Variants in ETFA observed in about 807,000 individuals in gnomAD.
The protein encoded by ETFA is electron transfer flavoprotein subunit alpha, mitochondrial.
ETFA carries 22 observed loss-of-function variants against 46.2 expected under a neutral mutation model. The ratio of observed to expected loss-of-function variants is 0.48; its 90% CI spans 0.34 to 0.68. The LOEUF (loss-of-function observed/expected upper bound fraction) is 0.68, where lower values mean the gene tolerates loss of function less well. Ranked by LOEUF, ETFA falls within the 30% of genes least tolerant of loss-of-function variation. ETFA has a pLI of 0.01. For synonymous variants in ETFA, 131 were observed against 139.9 expected, an observed-to-expected ratio of 0.94 and a Z score of 0.45; for missense variants, 345 against 401.1, an observed-to-expected ratio of 0.86 and a Z score of 1.19.
intron 8 of ETFA, among the ~76,000 whole-genome samples, chr15:76,277,869 C>T (rs547932884): frequency 2.6e-5 from 4 of 152,328 alleles, no homozygotes; most frequent in Non-Finnish European, 4.4e-5. Flanking sequence ...CCCTACCCCA[C>T]CACCAGCTCC....
At chr15:76,287,617 C>T (rs1297304963) in intron 5 of ETFA, among the ~76,000 whole-genome samples, 3 of 152,046 alleles carry the variant, frequency 2.0e-5, no homozygotes, top group African/African-American at 7.3e-5. Flanking sequence ...GAAAATATCA[C>T]CCTGCAAACT....
At chr15:76,238,121 A>G (rs947351950) in intron 9 of ETFA, among the ~76,000 whole-genome samples, 3 of 152,220 alleles carry the variant, frequency 2.0e-5, no homozygotes, top group Non-Finnish European at 4.4e-5. Context: ...ATAAAATCAT[A>G]AATTCATGTT....
Position 76,294,144 on chromosome 15 carries a change from G to A in ETFA, c.187-1444C>T, listed in dbSNP as rs1045113017. On this transcript the variant is annotated intron_variant, in intron 2 of 11. Transcript: ENST00000557943. The stretch of plus-strand genomic sequence containing the variant: ...AACATGACAGGTTAGGATTGTAACT[G>A]AGTACAGAAGACGATTTCTATTTTG... Among the ~76,000 whole-genome samples the A allele has an allele frequency of 3.9e-4, 59 of 152,224 alleles. 2 individuals are homozygous for A. Among genetic ancestry groups the A allele is most frequent in the Admixed American group, 3.8e-3 (58 of 15,284 alleles).
intron 9 of ETFA, among the ~76,000 whole-genome samples, chr15:76,254,189 CA>C (rs540297809): frequency 4.5e-4 from 69 of 152,286 alleles, no homozygotes; most frequent in African/African-American, 1.6e-3. Flanking sequence ...AGGAAACACA[CA>C]AAAGACAGTA....
intron 11 of ETFA, among the ~76,000 whole-genome samples, chr15:76,218,860 C>G (rs898047300): frequency 6.6e-6 from 1 of 152,298 alleles, no homozygotes; most frequent in African/African-American, 2.4e-5. Flanking sequence ...CAGAGAAGCT[C>G]TCTGTCACTG....
intron 4 of ETFA, 80 bp downstream of exon 4, chr15:76,292,351 G>C (rs2039772861): frequency 1.1e-6 from 1 of 951,592 alleles, no homozygotes; most frequent in Admixed American, 1.7e-5. Flanking sequence ...TACATAAACA[G>C]TCTGTTGCAT....
intron 10 of ETFA, chr15:76,227,913 A>C (rs2039020801): frequency 2.2e-6 from 1 of 455,978 alleles, no homozygotes; most frequent in Non-Finnish European, 4.4e-6. Context: ...AATCCAGAGA[A>C]ACATGCTACA....
chr15:76,274,533 A>G (rs1312389759), intron 8 of ETFA, 39 bp from the exon 9 acceptor site: 2 of 1,496,006 alleles, frequency 1.3e-6, no homozygotes, highest in East Asian at 2.3e-5. Context: ...TTCAAGCTCT[A>G]TTATTCAGCT....
rs2039706109 is a variant in ETFA, at chr15:76,286,488, C to T, written c.452-7G>A. Reference sequence around the variant, plus strand: ...ACTGTACATAGAGCATTTCCTGAAACATACAATCTATTTCTTAAAAGCAAC... The same window carrying T: ...ACTGTACATAGAGCATTTCCTGAAATATACAATCTATTTCTTAAAAGCAAC... On this transcript the variant is annotated splice_region_variant and splice_polypyrimidine_tract_variant and intron_variant, in intron 5 of 11. Coordinates refer to ENST00000557943, the MANE Select transcript of ETFA (RefSeq NM_000126.4). 4 of 1,579,190 alleles carry T rather than the reference C, an allele frequency of 2.5e-6. No homozygotes were observed. In the East Asian group the frequency reaches 8.9e-5, roughly 35 times the overall value.
chr15:76,275,970 A>C (rs1278020997), intron 8 of ETFA, among the ~76,000 whole-genome samples: 2 of 152,158 alleles, frequency 1.3e-5, no homozygotes, highest in African/African-American at 4.8e-5. Flanking sequence ...AATTGAATAC[A>C]ATGTTATTAT....
At chr15:76,256,086 T>C (rs2039342967) in intron 9 of ETFA, among the ~76,000 whole-genome samples, 1 of 151,776 alleles carries the variant, frequency 6.6e-6, no homozygotes, top group African/African-American at 2.4e-5. Context: ...GGTGAAACCT[T>C]ATCTCCACTA....
intron 10 of ETFA, chr15:76,230,583 G>A (rs2039057116): frequency 8.8e-6 from 1 of 114,210 alleles, no homozygotes; most frequent in Admixed American, 9.8e-5. Flanking sequence ...GAGTAGCTGG[G>A]ACTACAGGCG....
chr15:76,281,008 T>C (rs1397990384), intron 8 of ETFA, among the ~76,000 whole-genome samples: 2 of 144,864 alleles, frequency 1.4e-5, no homozygotes, highest in South Asian at 2.3e-4. Context: ...CTCCACCTCA[T>C]GGTTCAAGTG....
intron 1 of ETFA, among the ~76,000 whole-genome samples, chr15:76,305,863 T>TTTG (rs1491474609): frequency 1.1e-4 from 15 of 141,380 alleles, no homozygotes; most frequent in South Asian, 2.1e-4. Flanking sequence ...TCAATAGTTG[T>TTTG]TTTTTTTTTT....
In ETFA at chr15:76,259,384, C is replaced by A. The variant is rs918940971; in HGVS notation, c.816+15028G>T. 21 of 1,484,126 alleles carry A rather than the reference C, an allele frequency of 1.4e-5. No individual in the cohort carries two copies. The South Asian group carries it at 2.4e-4, about 17-fold the overall frequency. The allele number at this position is 1,484,126 out of a possible 1,614,324, so 91.9% of individuals were successfully genotyped here. A position where few individuals can be genotyped will look rare whatever the true frequency, so the allele number is the denominator to read the frequency against. ...TGGTACATGAGATCATACAAAAGGT[C>A]GTCTGAAGGCCTAAGGAGACCTTGG... On this transcript the variant is annotated intron_variant, in intron 9 of 11. Transcript: ENST00000557943.
Position 76,287,783 on chromosome 15 carries a change from G to T in ETFA, c.451+63C>A, listed in dbSNP as rs1490821647. 6.1e-6 allele frequency: 7 copies of T among 1,151,266 alleles called. No individual in the cohort carries two copies. In the Admixed American group the frequency reaches 7.2e-5, roughly 12 times the overall value. The allele number at this position is 1,151,266 out of a possible 1,614,324, so 71.3% of individuals were successfully genotyped here. On this transcript the variant is annotated intron_variant, in intron 5 of 11. Coordinates refer to ENST00000557943, the MANE Select transcript of ETFA (RefSeq NM_000126.4). Reference sequence around the variant, plus strand: ...GTTTGATTTAAAATTCTATCTTCAAGATTAATTTATGCTTTTCACTAAAAT... The same window carrying T: ...GTTTGATTTAAAATTCTATCTTCAATATTAATTTATGCTTTTCACTAAAAT...
At chr15:76,291,868 G>C (rs1012127554) in intron 4 of ETFA, among the ~76,000 whole-genome samples, 4 of 151,784 alleles carry the variant, frequency 2.6e-5, no homozygotes, top group African/African-American at 9.7e-5. Context: ...ATCCACTGAC[G>C]AATTCCTTGT....
At chr15:76,245,595 C>T (rs2039235676) in intron 9 of ETFA, among the ~76,000 whole-genome samples, 1 of 152,212 alleles carries the variant, frequency 6.6e-6, no homozygotes. Context: ...GCTTATTCAC[C>T]TGGTAACTTT....
rs536889770 is a variant in ETFA, at chr15:76,277,321, T to C, written c.734-2827A>G. Among the ~76,000 whole-genome samples, 72 of 152,250 alleles carry C rather than the reference T, an allele frequency of 4.7e-4. No homozygotes were observed. The South Asian group carries it at 9.6e-3, about 20-fold the overall frequency. ...GTTCCTCCTGAAGGAGATCAGACCTTGTTAAGAAGAACAGAATGCTCTGGC... is the reference window on the plus strand; with the variant it reads ...GTTCCTCCTGAAGGAGATCAGACCTCGTTAAGAAGAACAGAATGCTCTGGC... On this transcript the variant is annotated intron_variant, in intron 8 of 11. Transcript: ENST00000557943.
Sources: gnomAD v4.1 joint callset for allele counts (sites outside exome capture counted in the v4.1 genomes callset) on GRCh38, gnomAD v4.1.1 for gene constraint, MANE v1.5 for transcripts, NCBI Gene and HGNC (gene_info 2026-07-23, HGNC 2026-07-21) for gene names.